NCOA7: variants seen among roughly 807,000 people sequenced by gnomAD.
NCOA7 encodes the protein 140 kDa estrogen receptor-associated protein.
NCOA7 carries 45 observed loss-of-function variants against 104.3 expected under a neutral mutation model. The observed-to-expected ratio is 0.43, with a 90% confidence interval of 0.34 to 0.55. The LOEUF is 0.55. NCOA7 is among the 20% of genes least tolerant of loss of function. The pLI is 0.02. For synonymous variants in NCOA7, 398 were observed against 402.3 expected, an observed-to-expected ratio of 0.99 and a Z score of 0.13; for missense variants, 1,041 against 1,119.7, an observed-to-expected ratio of 0.93 and a Z score of 1.00.
At chr6:125,860,504 T>C (rs965346780) in intron 3 of NCOA7, among the ~76,000 whole-genome samples, 13 of 152,168 alleles carry the variant, frequency 8.5e-5, no homozygotes, top group African/African-American at 3.1e-4. Flanking sequence ...CACGCCACCA[T>C]ACCCACCTAA....
At chr6:125,858,642 A>G (rs1384071395) in intron 3 of NCOA7, among the ~76,000 whole-genome samples, 1 of 151,798 alleles carries the variant, frequency 6.6e-6, no homozygotes, top group Non-Finnish European at 1.5e-5. Context: ...AAAAAAAAAG[A>G]AAGAAATGCC....
At chr6:125,834,226 A>C (rs1767041281) in intron 2 of NCOA7, among the ~76,000 whole-genome samples, 1 of 152,212 alleles carries the variant, frequency 6.6e-6, no homozygotes, top group Non-Finnish European at 1.5e-5. Flanking sequence ...TGTGTGTCTG[A>C]AATCATCACT....
intron 1 of NCOA7, among the ~76,000 whole-genome samples, chr6:125,814,900 A>G (rs952659275): frequency 2.0e-5 from 3 of 152,218 alleles, no homozygotes; most frequent in Non-Finnish European, 4.4e-5. Context: ...ATTTTACATA[A>G]TTATCTGAGA....
intron 10 of NCOA7, among the ~76,000 whole-genome samples, chr6:125,897,578 A>C (rs1426062188): frequency 4.4e-4 from 67 of 152,152 alleles, no homozygotes. Flanking sequence ...ATTTTATGAG[A>C]TTACTTTCAT....
chr6:125,895,313 TATA>T (rs1784917135), intron 10 of NCOA7, among the ~76,000 whole-genome samples: 1 of 152,186 alleles, frequency 6.6e-6, no homozygotes. Flanking sequence ...GTGTGATTTG[TATA>T]ATAAGTAAAC....
chr6:125,856,637 C>T (rs555373579), intron 3 of NCOA7, among the ~76,000 whole-genome samples: 5 of 152,192 alleles, frequency 3.3e-5, no homozygotes, highest in East Asian at 3.9e-4. Context: ...CAGGCGTGAG[C>T]CACCATGCCT....
chr6:125,905,580 C>G (rs964324941), intron 10 of NCOA7, among the ~76,000 whole-genome samples: 5 of 152,100 alleles, frequency 3.3e-5, no homozygotes, highest in African/African-American at 1.2e-4. Flanking sequence ...GATTTTAAAA[C>G]CTGCCACCTT....
At position 125,931,428 on chromosome 6, in the gene NCOA7, G is replaced by A. The variant is rs1788459680; in HGVS notation, c.*2657G>A. 6.6e-6 allele frequency: 1 copy of A among 152,132 alleles called. No homozygotes were observed. Among genetic ancestry groups the A allele is most frequent in the African/African-American group, 2.4e-5 (1 of 41,406 alleles). 9.4% of individuals were successfully genotyped at this position (152,132 alleles called of 1,614,324 possible). On this transcript the variant is annotated 3_prime_UTR_variant, in exon 16 of 16. Transcript: ENST00000392477. ...TTAACCTACTTCATAATTTCCGTAA[G>A]GGACACTTTACTCTCTGATAAATTT...
rs747706665 is a variant in NCOA7, at chr6:125,814,700, G to C, written c.-64-591G>C. ...CTGGCAAGCGTGGGTGAGGGTCGCA[G>C]GGGTGGAGAAGAGGGAGACGCAAGG... On this transcript the variant is annotated intron_variant, in intron 1 of 15. Transcript: ENST00000392477. Among the ~76,000 whole-genome samples the C allele has an allele frequency of 3.9e-5, 6 of 152,150 alleles. No homozygotes were observed. In the South Asian group the frequency reaches 1.0e-3, roughly 26 times the overall value.
chr6:125,874,336 C>T (rs1170279952), intron 3 of NCOA7, among the ~76,000 whole-genome samples: 3 of 152,066 alleles, frequency 2.0e-5, no homozygotes, highest in African/African-American at 4.8e-5. Flanking sequence ...AAAAAAAGCC[C>T]GAAAAATAGT....
intron 7 of NCOA7, among the ~76,000 whole-genome samples, chr6:125,883,998 C>T (rs975154329): frequency 2.0e-5 from 3 of 152,174 alleles, no homozygotes; most frequent in African/African-American, 7.2e-5. Flanking sequence ...GGATTACAGG[C>T]CAGAACCACC....
rs569240174 is a variant in NCOA7, at chr6:125,844,156, C to T, written c.51-10864C>T. Reference sequence around the variant, plus strand: ...GTTGTGGTTTCCCCTGATTGGCATTCTGTTTATCTGTCTTTATTAGAATGT... The same window carrying T: ...GTTGTGGTTTCCCCTGATTGGCATTTTGTTTATCTGTCTTTATTAGAATGT... On this transcript the variant is annotated intron_variant, in intron 2 of 15. Coordinates refer to ENST00000392477, the MANE Select transcript of NCOA7 (RefSeq NM_181782.5). Among the ~76,000 whole-genome samples, 88 of 152,292 alleles carry T rather than the reference C, an allele frequency of 5.8e-4. 1 individual carries two copies. Among genetic ancestry groups the T allele is most frequent in the Non-Finnish European group, 1.0e-3 (69 of 68,026 alleles).
chr6:125,810,321 CT>C (rs549931493), intron 1 of NCOA7: 336 of 152,228 alleles, frequency 2.2e-3, no homozygotes, highest in African/African-American at 8.0e-3. Flanking sequence ...TCAAAAAATA[CT>C]TTGTCTTCAT....
At chr6:125,831,290 CA>C (rs1262719668) in intron 2 of NCOA7, among the ~76,000 whole-genome samples, 2 of 151,890 alleles carry the variant, frequency 1.3e-5, no homozygotes, top group Non-Finnish European at 2.9e-5. Flanking sequence ...CTAGCCCAAC[CA>C]AAAAAGATAA....
chr6:125,921,938 C>G (rs1370065072), intron 12 of NCOA7, among the ~76,000 whole-genome samples: 1 of 152,144 alleles, frequency 6.6e-6, no homozygotes, highest in African/African-American at 2.4e-5. Context: ...CATCAGTCAG[C>G]TTAGAGACAT....
In NCOA7 at chr6:125,881,104, A is replaced by G; in HGVS notation, c.474A>G (p.Pro158=). 5 of 1,613,850 alleles carry G rather than the reference A, an allele frequency of 3.1e-6. No individual in the cohort carries two copies. Among genetic ancestry groups the G allele is most frequent in the South Asian group, 1.1e-5 (1 of 91,068 alleles). The part of the protein sequence containing the change: ...TIVPGQVLFV[P]DANSPSSTLR... The stretch of plus-strand genomic sequence containing the variant: ...CCCATTCTCAGGTCCTTTTTGTGCC[A>G]GATGCCAACTCTCCTTCCAGTACCT... The change falls in exon 6 of 16, where the codon CCA becomes CCG. Residue 158 remains proline, a synonymous_variant. Coordinates refer to ENST00000392477, the MANE Select transcript of NCOA7 (RefSeq NM_181782.5).
In NCOA7 at chr6:125,890,686, T is replaced by C; in HGVS notation, c.1972T>C (p.Phe658Leu). The change falls in exon 10 of 16, where the codon TTC (phenylalanine) becomes CTC (leucine). Residue 658 changes from phenylalanine to leucine, a missense_variant. This residue lies in a region of NCOA7 where 914 missense variants were observed against 942.7 expected (regional missense o/e 0.97). Coordinates refer to ENST00000392477, the MANE Select transcript of NCOA7 (RefSeq NM_181782.5). ...KEEKSKTPPM[F>L]LCIKVGKPMR... The stretch of plus-strand genomic sequence containing the variant: ...AGAAAAAAGCAAGACCCCACCCATG[T>C]TCCTGTGCATCAAAGTGGGAAAACC... 1.2e-6 allele frequency: 2 copies of C among 1,613,798 alleles called. No individual in the cohort carries two copies. The highest frequency in any genetic ancestry group is 1.7e-6 in the Non-Finnish European group (2 of 1,179,846).
chr6:125,806,910 G>A (rs903136382), intron 1 of NCOA7, among the ~76,000 whole-genome samples: 7 of 152,242 alleles, frequency 4.6e-5, no homozygotes, highest in South Asian at 2.1e-4. Flanking sequence ...TATGAAGGGC[G>A]TATAATAAAA....
At chr6:125,873,892 T>C (rs1053062850) in intron 3 of NCOA7, among the ~76,000 whole-genome samples, 1 of 152,260 alleles carries the variant, frequency 6.6e-6, no homozygotes, top group East Asian at 1.9e-4. Flanking sequence ...TTTTATATTC[T>C]TTTTGTCACA....
Sources: allele counts gnomAD v4.1 joint callset (sites outside exome capture counted in the v4.1 genomes callset), GRCh38; gene constraint gnomAD v4.1.1; regional missense constraint gnomAD v4.1.1; transcripts MANE v1.5; gene names NCBI Gene and HGNC (gene_info 2026-07-23, HGNC 2026-07-21).